The following KATNAL1 variants were observed in gnomAD, a reference collection of about 807,000 sequenced individuals.
The protein encoded by KATNAL1 is katanin p60 ATPase-containing subunit A-like 1.
A neutral mutation model predicts 55.2 loss-of-function variants in KATNAL1; 32 were observed. The observed-to-expected ratio is 0.58, with a 90% CI of 0.44 to 0.78. KATNAL1 has a LOEUF of 0.78. Among genes scored for constraint, KATNAL1 ranks in the 30% least tolerant of loss-of-function variants. The probability of loss-of-function intolerance (pLI) is 0.00; values close to 1 mark genes in which losing one functional copy is unlikely to be tolerated. For synonymous variants in KATNAL1, 193 were observed against 193.6 expected (o/e 1.00, Z 0.02); for missense variants, 466 against 600.9 (o/e 0.78, Z 2.35).
chr13:30,268,526 GA>G (rs1424727269), intron 3 of KATNAL1, among the ~76,000 whole-genome samples: 1 of 151,860 alleles, frequency 6.6e-6, no homozygotes, highest in Non-Finnish European at 1.5e-5. Flanking sequence ...AAACCAATGA[GA>G]AAAAAAGTTA....
chr13:30,299,984 C>T (rs1882759512), intron 1 of KATNAL1, among the ~76,000 whole-genome samples: 1 of 143,646 alleles, frequency 7.0e-6, no homozygotes, highest in African/African-American at 2.5e-5. Flanking sequence ...ACCCACAACA[C>T]ACACACACAC....
intron 9 of KATNAL1, among the ~76,000 whole-genome samples, chr13:30,224,683 T>C (rs1207535242): frequency 1.3e-5 from 2 of 151,906 alleles, no homozygotes; most frequent in African/African-American, 2.4e-5. Flanking sequence ...AGTAGAAAAT[T>C]AACAAAGCAA....
chr13:30,279,733 C>A (rs992869829), intron 3 of KATNAL1, among the ~76,000 whole-genome samples: 1 of 152,174 alleles, frequency 6.6e-6, no homozygotes, highest in Non-Finnish European at 1.5e-5. Context: ...TTGTTAGAGT[C>A]TCCTCAAGCA....
chr13:30,288,176 T>G (rs1383085958), intron 1 of KATNAL1, among the ~76,000 whole-genome samples: 3 of 152,206 alleles, frequency 2.0e-5, no homozygotes, highest in African/African-American at 7.2e-5. Flanking sequence ...AAATGTCTAC[T>G]TTTCAAAGTA....
At chr13:30,283,877 C>A (rs983993346) in intron 1 of KATNAL1, 86 bp from the exon 2 acceptor site, 5 of 695,622 alleles carry the variant, frequency 7.2e-6, no homozygotes, top group Non-Finnish European at 1.1e-5. Flanking sequence ...TTTAAAACTA[C>A]TTTTTTTTTT....
intron 1 of KATNAL1, among the ~76,000 whole-genome samples, chr13:30,295,067 G>C (rs1017773571): frequency 6.6e-6 from 1 of 152,202 alleles, no homozygotes; most frequent in African/African-American, 2.4e-5. Flanking sequence ...GATGTACAAA[G>C]AGATAAATGC....
At chr13:30,227,673 G>C in intron 8 of KATNAL1, 127 bp from the exon 9 acceptor site, 1 of 830,976 alleles carries the variant, frequency 1.2e-6, no homozygotes, top group African/African-American at 1.7e-5. Flanking sequence ...TGACCTCTGT[G>C]TGGTGGCAAA....
At position 30,278,397 on chromosome 13, in the gene KATNAL1, A is replaced by G. The variant is rs552892583; in HGVS notation, c.323+1666T>C. ...CATTCATCTTTCACTTTCATTTAGA[A>G]AAGGGATTTAAAAACAAGTACAAAA... On this transcript the variant is annotated intron_variant, in intron 3 of 10. Transcript: ENST00000380615. Among the ~76,000 whole-genome samples the G allele has an allele frequency of 3.3e-5, 5 of 152,338 alleles. No homozygotes were observed. In the East Asian group the frequency reaches 9.6e-4, roughly 29 times the overall value.
At chr13:30,301,291 C>A (rs1032902557) in intron 1 of KATNAL1, among the ~76,000 whole-genome samples, 5 of 152,090 alleles carry the variant, frequency 3.3e-5, no homozygotes, top group Non-Finnish European at 7.4e-5. Context: ...AAGCTTGAAC[C>A]CAGGAGACGG....
intron 3 of KATNAL1, among the ~76,000 whole-genome samples, chr13:30,271,716 C>A (rs1880375499): frequency 6.6e-6 from 1 of 151,838 alleles, no homozygotes; most frequent in East Asian, 1.9e-4. Flanking sequence ...ACCCTTGTAG[C>A]CTGGTGGATT....
At chr13:30,305,251 GC>G (rs1566140575) in intron 1 of KATNAL1, among the ~76,000 whole-genome samples, 1 of 152,028 alleles carries the variant, frequency 6.6e-6, no homozygotes, top group Non-Finnish European at 1.5e-5. Context: ...CCCACTAATT[GC>G]AAGTATTCTG....
intron 3 of KATNAL1, among the ~76,000 whole-genome samples, chr13:30,274,891 A>ACGCGCGCGCGCGTGCGCGCG (rs371121115): frequency 2.7e-4 from 33 of 122,106 alleles, no homozygotes; most frequent in Non-Finnish European, 4.6e-4. Flanking sequence ...GCACACACAT[A>ACGCGCGCGCGCGTGCGCGCG]CGCGCGCGCG....
intron 4 of KATNAL1, among the ~76,000 whole-genome samples, chr13:30,249,557 A>C (rs1878109485): frequency 6.6e-6 from 1 of 152,252 alleles, no homozygotes; most frequent in Non-Finnish European, 1.5e-5. Context: ...ATGACAATGA[A>C]AATAAACTAC....
At chr13:30,283,128 C>T (rs1315972226) in intron 2 of KATNAL1, among the ~76,000 whole-genome samples, 1 of 150,610 alleles carries the variant, frequency 6.6e-6, no homozygotes, top group Admixed American at 6.6e-5. Context: ...ATTAACTGGG[C>T]GTGGTGGCAC....
intron 4 of KATNAL1, among the ~76,000 whole-genome samples, chr13:30,244,174 T>C (rs1404180471): frequency 2.6e-5 from 4 of 151,762 alleles, no homozygotes; most frequent in African/African-American, 9.7e-5. Context: ...AGTGAGAATA[T>C]GTAGTGTTTG....
At chr13:30,244,966 G>C (rs1380061678) in intron 4 of KATNAL1, among the ~76,000 whole-genome samples, 2 of 150,908 alleles carry the variant, frequency 1.3e-5, no homozygotes, top group East Asian at 2.0e-4. Flanking sequence ...AATTCTACCA[G>C]AGGTAAAAAG....
chr13:30,230,653 T>TA lies in KATNAL1; in HGVS notation c.886-60dup, dbSNP rs1203426424. ...AATCTCATAAAACAATTGGAGTATT[T>TA]AAAAAAATCTTTTAAAACAATGGCA... On this transcript the variant is annotated intron_variant, in intron 7 of 10. Transcript: ENST00000380615. The TA allele has an allele frequency of 5.3e-6, 7 of 1,324,734 alleles. No individual in the cohort carries two copies. The African/African-American group carries it at 7.5e-5, about 14-fold the overall frequency. 82.1% of individuals were successfully genotyped at this position (1,324,734 alleles called of 1,614,324 possible).
At chr13:30,247,025 C>T (rs1050081596) in intron 4 of KATNAL1, among the ~76,000 whole-genome samples, 1 of 152,122 alleles carries the variant, frequency 6.6e-6, no homozygotes, top group African/African-American at 2.4e-5. Flanking sequence ...TCTTATTAAT[C>T]CTAAAAGTCC....
At chr13:30,304,559 C>T (rs1395088005) in intron 1 of KATNAL1, among the ~76,000 whole-genome samples, 5 of 152,108 alleles carry the variant, frequency 3.3e-5, no homozygotes, top group South Asian at 2.1e-4. Flanking sequence ...CGAGCCACTG[C>T]GCCCGGCCTA....
Sources: gnomAD v4.1 joint callset for allele counts (sites outside exome capture counted in the v4.1 genomes callset) on GRCh38, gnomAD v4.1.1 for gene constraint, MANE v1.5 for transcripts, NCBI Gene and HGNC (gene_info 2026-07-23, HGNC 2026-07-21) for gene names.